Variants in MAEA observed in about 807,000 individuals in gnomAD.
The protein encoded by MAEA is macrophage erythroblast attacher, E3 ubiquitin ligase, also known as E3 ubiquitin-protein transferase MAEA.
A neutral mutation model predicts 46.2 loss-of-function variants in MAEA; 22 were observed. That is an observed-to-expected ratio of 0.48 (90% confidence interval 0.34 to 0.68). The LOEUF is 0.68. MAEA is among the 30% of genes least tolerant of loss of function. MAEA has a pLI of 0.01. For synonymous variants in MAEA, 246 were observed against 222.6 expected (o/e 1.11, Z -0.94); for missense variants, 393 against 558.1 (o/e 0.70, Z 2.98).
intron 3 of MAEA, among the ~76,000 whole-genome samples, chr4:1,318,032 T>C (rs1381194113): frequency 1.4e-4 from 22 of 152,154 alleles, no homozygotes; most frequent in Admixed American, 1.4e-3. Flanking sequence ...TGACGGACAG[T>C]GGGCCAGCAC....
chr4:1,317,011 C>T (rs1418972373), intron 3 of MAEA, among the ~76,000 whole-genome samples: 4 of 145,268 alleles, frequency 2.8e-5, no homozygotes, highest in Non-Finnish European at 4.6e-5. Flanking sequence ...CCACCCCGGC[C>T]CCCACACTCC....
At chr4:1,295,313 G>A (rs1734528510) in intron 1 of MAEA, among the ~76,000 whole-genome samples, 2 of 152,078 alleles carry the variant, frequency 1.3e-5, no homozygotes, top group South Asian at 4.1e-4. Flanking sequence ...TTATAGCTAG[G>A]GGCCATTATT....
intron 4 of MAEA, chr4:1,323,669 C>T: frequency 1.4e-6 from 1 of 697,738 alleles, no homozygotes; most frequent in South Asian, 1.5e-5. Context: ...AGAGAGCCGG[C>T]ACACACCTCA....
In MAEA at chr4:1,336,868, T is replaced by A; in HGVS notation, c.773T>A (p.Leu258Gln). 6.2e-7 allele frequency: 1 copy of A among 1,613,850 alleles called. No individual in the cohort carries two copies. Among genetic ancestry groups the A allele is most frequent in the East Asian group, 2.2e-5 (1 of 44,880 alleles). The change falls in exon 7 of 9, where the codon CTG (leucine) becomes CAG (glutamine). Residue 258 changes from leucine to glutamine, a missense_variant. Transcript: ENST00000303400. ...CTGCTCTCTGTCTTCCAGGACCTTCTGGACCCTGCACGGTGGCGGATGCTG... is the reference window on the plus strand; with the variant it reads ...CTGCTCTCTGTCTTCCAGGACCTTCAGGACCCTGCACGGTGGCGGATGCTG... ...DTHISPYKDL[L>Q]DPARWRMLIQ...
intron 5 of MAEA, chr4:1,329,030 C>T (rs1419029030): frequency 1.0e-6 from 1 of 985,894 alleles, no homozygotes; most frequent in African/African-American, 1.7e-5. Flanking sequence ...TCGCTGGCCT[C>T]TGTCCGGCGG....
At chr4:1,297,908 C>T (rs189742573) in intron 1 of MAEA, 3 of 440,208 alleles carry the variant, frequency 6.8e-6, no homozygotes, top group South Asian at 1.6e-5. Flanking sequence ...CTCCACCCCT[C>T]GCGATGTAGC....
intron 1 of MAEA, chr4:1,298,203 GCCTGCCTGCTTGTGCTCACTGTTT>G (rs1380164261): frequency 2.5e-6 from 1 of 400,002 alleles, no homozygotes; most frequent in Admixed American, 2.7e-5. Flanking sequence ...CCTGTCTGTC[GCCTGCCTGCTTGTGCTCACTGTTT>G]CCTTTCTTTT....
intron 5 of MAEA, chr4:1,329,201 AC>A (rs1401215870): frequency 1.3e-4 from 125 of 984,630 alleles, no homozygotes; most frequent in Admixed American, 3.7e-4. Flanking sequence ...TTGACCTGTT[AC>A]CCCCACTCCG....
In MAEA at chr4:1,336,855, T is replaced by C. The variant is rs750702091; in HGVS notation, c.766-6T>C. 40 of 1,613,076 alleles carry C rather than the reference T, an allele frequency of 2.5e-5. No homozygotes were observed. Among genetic ancestry groups the C allele is most frequent in the Non-Finnish European group, 3.3e-5 (39 of 1,179,552 alleles). On this transcript the variant is annotated splice_region_variant and splice_polypyrimidine_tract_variant and intron_variant, in intron 6 of 8. Transcript: ENST00000303400. Reference sequence around the variant, plus strand: ...TCCCCAGGACCCTCTGCTCTCTGTCTTCCAGGACCTTCTGGACCCTGCACG... The same window carrying C: ...TCCCCAGGACCCTCTGCTCTCTGTCCTCCAGGACCTTCTGGACCCTGCACG...
rs143484040 is a variant in MAEA at position 1,302,354 on chromosome 4, G to A, written c.70-9625G>A. On this transcript the variant is annotated intron_variant, in intron 1 of 8. Coordinates refer to ENST00000303400, the MANE Select transcript of MAEA (RefSeq NM_001017405.3). ...AGTCTGTGATATTTTTGTTACAGCA[G>A]CCTGAGCTGACTAAGACAGCTGCTC... Among the ~76,000 whole-genome samples, 906 of 152,352 alleles carry A rather than the reference G, an allele frequency of 5.9e-3. 9 individuals carry two copies. Among genetic ancestry groups the A allele is most frequent in the African/African-American group, 0.021 (868 of 41,584 alleles).
At chr4:1,293,050 T>C (rs1472881976) in intron 1 of MAEA, among the ~76,000 whole-genome samples, 1 of 152,022 alleles carries the variant, frequency 6.6e-6, no homozygotes. Context: ...CCCGCCACCA[T>C]GCCCAGCTAA....
chr4:1,304,368 A>G (rs1735631487), intron 1 of MAEA, among the ~76,000 whole-genome samples: 4 of 152,002 alleles, frequency 2.6e-5, no homozygotes, highest in Admixed American at 1.3e-4. Flanking sequence ...TCCTGGCCTC[A>G]AGCAGTCCTC....
chr4:1,329,000 G>T, intron 5 of MAEA: 1 of 987,054 alleles, frequency 1.0e-6, no homozygotes, highest in Non-Finnish European at 1.2e-6. Context: ...TCTGGCCTCC[G>T]TGTGGCCTCG....
At chr4:1,309,078 T>C (rs1736116884) in intron 1 of MAEA, among the ~76,000 whole-genome samples, 1 of 152,216 alleles carries the variant, frequency 6.6e-6, no homozygotes, top group Admixed American at 6.5e-5. Context: ...TAGAATCTGC[T>C]GGCCCCTCTC....
chr4:1,322,139 T>C (rs980741355), intron 3 of MAEA, among the ~76,000 whole-genome samples: 7 of 152,174 alleles, frequency 4.6e-5, no homozygotes, highest in Admixed American at 2.0e-4. Flanking sequence ...CTGGCTCCCT[T>C]GCCCGGCTAT....
intron 5 of MAEA, chr4:1,328,597 C>G (rs1739140881): frequency 1.7e-6 from 2 of 1,206,546 alleles, no homozygotes; most frequent in South Asian, 2.9e-5. Flanking sequence ...TGTCCATGCC[C>G]ACAGAAACCC....
chr4:1,336,750 G>A, intron 6 of MAEA, 111 bp from the exon 7 acceptor site: 1 of 998,912 alleles, frequency 1.0e-6, no homozygotes, highest in Non-Finnish European at 1.5e-6. Context: ...GTGGGTCACT[G>A]GGGGATGGCT....
At chr4:1,309,980 C>G (rs569470854) in intron 1 of MAEA, 53 of 1,240,510 alleles carry the variant, frequency 4.3e-5, no homozygotes, top group Non-Finnish European at 5.4e-5. Context: ...TTTCTGGTGG[C>G]GGTCTGGAAT....
chr4:1,315,265 C>T (rs901821664), intron 2 of MAEA, 132 bp from the exon 3 acceptor site: 26 of 821,728 alleles, frequency 3.2e-5, no homozygotes, highest in Non-Finnish European at 4.9e-5. Context: ...CGGTAGAGCA[C>T]GGTTTTTTTT....
Sources: gnomAD v4.1 joint callset for allele counts (sites outside exome capture counted in the v4.1 genomes callset) on GRCh38, gnomAD v4.1.1 for gene constraint, MANE v1.5 for transcripts, NCBI Gene and HGNC (gene_info 2026-07-23, HGNC 2026-07-21) for gene names.